Variants in GLYAT observed in about 807,000 individuals in gnomAD.
The protein encoded by GLYAT is glycine N-acyltransferase.
Under a neutral mutation model 22.8 loss-of-function variants are expected in GLYAT, and 25 were observed. The ratio of observed to expected loss-of-function variants is 1.09; its 90% CI spans 0.80 to 1.53. The LOEUF is 1.53. Ranked by LOEUF, GLYAT falls within the 40% of genes most tolerant of loss-of-function variation. The probability of loss-of-function intolerance (pLI) is 0.00; values close to 1 mark genes in which losing one functional copy is unlikely to be tolerated. For synonymous variants in GLYAT, 140 were observed against 122.7 expected (o/e 1.14, Z -0.93); for missense variants, 411 against 353.9 (o/e 1.16, Z -1.29).
chr11:58,729,783 T>C (rs1377547287), intron 1 of GLYAT, among the ~76,000 whole-genome samples: 1 of 152,118 alleles, frequency 6.6e-6, no homozygotes, highest in Non-Finnish European at 1.5e-5. Context: ...ATATCTCATA[T>C]CTAAGGGTCT....
intron 4 of GLYAT, 88 bp downstream of exon 4, chr11:58,712,672 G>A (rs1856630136): frequency 1.8e-6 from 2 of 1,125,940 alleles, no homozygotes; most frequent in African/African-American, 1.5e-5. Flanking sequence ...CTGGGAGTCT[G>A]GAGCTTGGAG....
At chr11:58,711,212 G>T (rs1856612947) in intron 4 of GLYAT, among the ~76,000 whole-genome samples, 1 of 152,058 alleles carries the variant, frequency 6.6e-6, no homozygotes, top group Non-Finnish European at 1.5e-5. Flanking sequence ...CCCTTCCTTT[G>T]TTCTCCTCTG....
intron 2 of GLYAT, among the ~76,000 whole-genome samples, chr11:58,722,930 T>C (rs1344094811): frequency 6.6e-6 from 1 of 151,922 alleles, no homozygotes; most frequent in Non-Finnish European, 1.5e-5. Flanking sequence ...AGAGTTCCAT[T>C]AGGGGAAAAT....
At chr11:58,724,794 G>A (rs1856795438) in intron 1 of GLYAT, among the ~76,000 whole-genome samples, 1 of 151,830 alleles carries the variant, frequency 6.6e-6, no homozygotes. Flanking sequence ...TTGAATTTTA[G>A]TTGCTATTAG....
chr11:58,715,261 T>C, intron 3 of GLYAT, 55 bp downstream of exon 3: 2 of 817,174 alleles, frequency 2.4e-6, no homozygotes, highest in Admixed American at 3.7e-5. Context: ...GCTAAGAATG[T>C]AATAGGCACA....
At chr11:58,711,606 G>T (rs1856617624) in intron 4 of GLYAT, among the ~76,000 whole-genome samples, 1 of 152,134 alleles carries the variant, frequency 6.6e-6, no homozygotes, top group South Asian at 2.1e-4. Flanking sequence ...AGTTTTCTGG[G>T]CTGCGTAATT....
chr11:58,730,561 C>A (rs536065221), intron 1 of GLYAT, among the ~76,000 whole-genome samples: 1 of 152,284 alleles, frequency 6.6e-6, no homozygotes, highest in South Asian at 2.1e-4. Context: ...ACCACAGTCT[C>A]ACAGAGTGAG....
Position 58,710,763 on chromosome 11 carries a change from T to C in GLYAT, c.317-2A>G, listed in dbSNP as rs772600587. 9.1e-6 allele frequency: 14 copies of C among 1,544,028 alleles called. No individual in the cohort carries two copies. Among genetic ancestry groups the C allele is most frequent in the Non-Finnish European group, 1.3e-5 (14 of 1,116,526 alleles). ...CCTCATTCAGGCTAGGCTGTGAACC[T>C]AGACGGTATAATAAACAGAGATGAA... On this transcript the variant is annotated splice_acceptor_variant, in intron 4 of 5. Coordinates refer to ENST00000344743, the MANE Select transcript of GLYAT (RefSeq NM_201648.3). LOFTEE classifies it high-confidence loss of function.
intron 2 of GLYAT, 34 bp downstream of exon 2, chr11:58,724,382 C>G: frequency 8.3e-7 from 1 of 1,208,092 alleles, no homozygotes; most frequent in Non-Finnish European, 1.2e-6. Flanking sequence ...TCAAGTTTGT[C>G]TTCTTTACTC....
intron 2 of GLYAT, among the ~76,000 whole-genome samples, chr11:58,716,494 G>A (rs968992159): frequency 6.6e-6 from 1 of 152,066 alleles, no homozygotes. Flanking sequence ...TCAGCCATGA[G>A]TGGAGGCTTA....
intron 2 of GLYAT, among the ~76,000 whole-genome samples, chr11:58,721,066 T>G (rs1267822421): frequency 6.6e-6 from 1 of 152,008 alleles, no homozygotes; most frequent in Non-Finnish European, 1.5e-5. Flanking sequence ...AGTGAAATAT[T>G]TTGTATACAA....
chr11:58,710,697 T>C lies in GLYAT; in HGVS notation c.381A>G (p.Lys127=), dbSNP rs1856604781. The C allele has an allele frequency of 6.2e-7, 1 of 1,613,666 alleles. No homozygotes were observed. Reference sequence around the variant, plus strand: ...CCATATAGAGAATGCGTTGTGTTTGTTTGACTTTGAAGGACTTAATGGCTG... The same window carrying C: ...CCATATAGAGAATGCGTTGTGTTTGCTTGACTTTGAAGGACTTAATGGCTG... ...NLAAIKSFKV[K]QTQRILYMAA... is the part of the protein sequence containing the mutation. The change falls in exon 5 of 6, where the codon AAA becomes AAG. Residue 127 remains lysine, a synonymous_variant. Transcript: ENST00000344743.
In GLYAT at chr11:58,728,964, AAAGG is replaced by A. The variant is rs941320494; in HGVS notation, c.-16+2867_-16+2870del. On this transcript the variant is annotated intron_variant, in intron 1 of 5. Transcript: ENST00000344743. ...AAGGAAGGAGAGAATAAAAGAAAAG[AAAGG>A]AAGGAAGGAAGAAAGGAAGGAAGGA... Among the ~76,000 whole-genome samples, 7 of 151,558 alleles carry A rather than the reference AAAGG, an allele frequency of 4.6e-5. No homozygotes were observed. The East Asian group carries it at 7.8e-4, about 17-fold the overall frequency.
At chr11:58,713,457 CA>C (rs1161111399) in intron 3 of GLYAT, among the ~76,000 whole-genome samples, 2 of 152,116 alleles carry the variant, frequency 1.3e-5, no homozygotes, top group African/African-American at 2.4e-5. Flanking sequence ...AAGCTTATGT[CA>C]CAAGAATAAA....
At chr11:58,712,394 T>C (rs1565054535) in intron 4 of GLYAT, among the ~76,000 whole-genome samples, 2 of 152,140 alleles carry the variant, frequency 1.3e-5, no homozygotes, top group Non-Finnish European at 2.9e-5. Context: ...TGATAGTTGT[T>C]CTTGGTGACC....
intron 1 of GLYAT, among the ~76,000 whole-genome samples, chr11:58,730,566 A>C (rs1184276759): frequency 6.6e-6 from 1 of 152,152 alleles, no homozygotes; most frequent in Non-Finnish European, 1.5e-5. Flanking sequence ...AGTCTCACAG[A>C]GTGAGTTTTG....
intron 1 of GLYAT, among the ~76,000 whole-genome samples, chr11:58,729,184 T>C (rs1300822181): frequency 6.6e-6 from 1 of 152,180 alleles, no homozygotes; most frequent in African/African-American, 2.4e-5. Flanking sequence ...ACCTCTGGTC[T>C]TTCTACATTT....
intron 2 of GLYAT, among the ~76,000 whole-genome samples, chr11:58,722,653 G>A (rs944995642): frequency 5.9e-5 from 9 of 152,070 alleles, no homozygotes; most frequent in African/African-American, 1.7e-4. Flanking sequence ...TAGAATGGGA[G>A]GCAAGTTTGC....
rs77516042 is a variant in GLYAT at position 58,725,587 on chromosome 11, C to G, written c.-15-1076G>C. Among the ~76,000 whole-genome samples the G allele has an allele frequency of 4.9e-3, 749 of 152,232 alleles. 4 individuals carry two copies. The highest frequency in any genetic ancestry group is 0.017 in the African/African-American group (709 of 41,552). ...GGTCTGTAGCATCCTCAATTCTTGC[C>G]TCCTCAACAGAAAGAATTTGACTGA... On this transcript the variant is annotated intron_variant, in intron 1 of 5. Transcript: ENST00000344743.
Sources: allele counts gnomAD v4.1 joint callset (sites outside exome capture counted in the v4.1 genomes callset), GRCh38; gene constraint gnomAD v4.1.1; transcripts MANE v1.5; gene names NCBI Gene and HGNC (gene_info 2026-07-23, HGNC 2026-07-21).